Variants in ANKS1B observed in about 807,000 individuals in gnomAD.
The protein encoded by ANKS1B is ankyrin repeat and sterile alpha motif domain containing 1B.
A neutral mutation model predicts 148.3 loss-of-function variants in ANKS1B; 36 were observed. The observed-to-expected ratio is 0.24, with a 90% CI of 0.19 to 0.32. ANKS1B has a LOEUF of 0.32. Among genes scored for constraint, ANKS1B ranks in the 10% least tolerant of loss-of-function variants. The pLI is 1.00. For missense variants in ANKS1B, 1,157 were observed against 1,542.6 expected (o/e 0.75, Z 4.19); for synonymous variants, 542 against 560.8 (o/e 0.97, Z 0.47).
chr12:98,864,976 T>C (rs2099617167), intron 17 of ANKS1B, among the ~76,000 whole-genome samples: 1 of 152,230 alleles, frequency 6.6e-6, no homozygotes, highest in Non-Finnish European at 1.5e-5. Context: ...ACCTCCTTTG[T>C]CTTTCCTCTG....
chr12:99,938,800 G>A (rs764324713), intron 1 of ANKS1B, among the ~76,000 whole-genome samples: 9 of 152,162 alleles, frequency 5.9e-5, no homozygotes, highest in Non-Finnish European at 1.3e-4. Context: ...TACATTCTCA[G>A]AGAGTAAGGA....
chr12:99,831,628 T>G (rs1210830594), intron 1 of ANKS1B, among the ~76,000 whole-genome samples: 1 of 152,194 alleles, frequency 6.6e-6, no homozygotes, highest in African/African-American at 2.4e-5. Context: ...TTAGTACTCA[T>G]CTTTCTCTCT....
At chr12:99,583,638 AG>A (rs774741794) in intron 9 of ANKS1B, among the ~76,000 whole-genome samples, 4 of 152,216 alleles carry the variant, frequency 2.6e-5, no homozygotes, top group Admixed American at 1.3e-4. Flanking sequence ...AGATAAATTC[AG>A]GGTGCTTCTT....
At chr12:99,863,028 G>A (rs2090240986) in intron 1 of ANKS1B, among the ~76,000 whole-genome samples, 3 of 152,204 alleles carry the variant, frequency 2.0e-5, no homozygotes, top group Admixed American at 6.5e-5. Context: ...GAGGAATAGA[G>A]AGGCAATCCC....
At chr12:99,351,930 T>C (rs1284804601) in intron 12 of ANKS1B, 1 of 152,066 alleles carries the variant, frequency 6.6e-6, no homozygotes, top group Non-Finnish European at 1.5e-5. Context: ...GTCTACTATT[T>C]AAAGGAAAGT....
intron 25 of ANKS1B, among the ~76,000 whole-genome samples, chr12:98,761,478 C>T (rs1345324408): frequency 1.3e-5 from 2 of 152,200 alleles, no homozygotes; most frequent in Admixed American, 1.3e-4. Flanking sequence ...GCTAAAAGCT[C>T]AGAGCTAGAG....
At chr12:99,605,253 T>C (rs1183240223) in intron 9 of ANKS1B, among the ~76,000 whole-genome samples, 1 of 152,112 alleles carries the variant, frequency 6.6e-6, no homozygotes, top group African/African-American at 2.4e-5. Flanking sequence ...GTACATTGCA[T>C]ATATACAATG....
intron 20 of ANKS1B, among the ~76,000 whole-genome samples, chr12:98,803,075 T>G (rs372622779): frequency 9.2e-5 from 14 of 152,152 alleles, no homozygotes; most frequent in Admixed American, 4.6e-4. Flanking sequence ...ATTCTAAAAT[T>G]AGATTAAGTT....
chr12:98,984,046 C>T (rs939700345), intron 17 of ANKS1B, among the ~76,000 whole-genome samples: 2 of 152,234 alleles, frequency 1.3e-5, no homozygotes, highest in Admixed American at 6.5e-5. Context: ...CAAGAACTTT[C>T]TGGATCTCCT....
intron 12 of ANKS1B, among the ~76,000 whole-genome samples, chr12:99,285,627 T>C (rs972899982): frequency 2.6e-5 from 4 of 152,312 alleles, no homozygotes; most frequent in African/African-American, 4.8e-5. Flanking sequence ...TGAGTGATCA[T>C]AGTACCTGGT....
At chr12:99,440,791 A>AT (rs1177577802) in intron 11 of ANKS1B, among the ~76,000 whole-genome samples, 1 of 151,896 alleles carries the variant, frequency 6.6e-6, no homozygotes, top group Middle Eastern at 3.2e-3. Context: ...GATGCTCTCC[A>AT]TTTACAGGTA....
chr12:99,053,283 G>A lies in ANKS1B; in HGVS notation c.2652C>T (p.Tyr884=), dbSNP rs762915259. 1.2e-5 allele frequency: 19 copies of A among 1,610,274 alleles called. No individual in the cohort carries two copies. The highest frequency in any genetic ancestry group is 1.5e-5 in the Non-Finnish European group (18 of 1,178,352). The part of the protein sequence containing the change: ...PKMRPIGHDG[Y]HPTSVAEWLD... ...GCCACTCAGCTACAGAGGTGGGATG[G>A]TAGCCATCATGCCCAATGGGTCTCA... The change falls in exon 17 of 27, where the codon TAC becomes TAT. Residue 884 remains tyrosine, a synonymous_variant. Coordinates refer to ENST00000683438, the MANE Select transcript of ANKS1B (RefSeq NM_001352186.2).
intron 9 of ANKS1B, among the ~76,000 whole-genome samples, chr12:99,605,065 T>C (rs1454276464): frequency 6.6e-6 from 1 of 151,990 alleles, no homozygotes; most frequent in East Asian, 1.9e-4. Context: ...ACTTTTGTCA[T>C]TTTAACAGGG....
chr12:99,800,441 CAAAAAAA>C (rs138056927), intron 4 of ANKS1B, among the ~76,000 whole-genome samples: 2 of 86,750 alleles, frequency 2.3e-5, no homozygotes, highest in Non-Finnish European at 4.6e-5. Flanking sequence ...ATACAGAAGC[CAAAAAAA>C]AAAAAAAAAA....
At chr12:99,293,773 A>G (rs1183011340) in intron 12 of ANKS1B, among the ~76,000 whole-genome samples, 3 of 151,700 alleles carry the variant, frequency 2.0e-5, no homozygotes, top group African/African-American at 4.8e-5. Flanking sequence ...CAAACTATTC[A>G]TCTGACAAGG....
intron 12 of ANKS1B, among the ~76,000 whole-genome samples, chr12:99,247,784 C>CT (rs2074058182): frequency 6.6e-6 from 1 of 152,016 alleles, no homozygotes; most frequent in Non-Finnish European, 1.5e-5. Flanking sequence ...AGGAAGTGTC[C>CT]TTTTTTTCAG....
intron 12 of ANKS1B, among the ~76,000 whole-genome samples, chr12:99,285,774 G>C (rs1425823052): frequency 6.6e-6 from 1 of 152,094 alleles, no homozygotes; most frequent in Non-Finnish European, 1.5e-5. Context: ...AGCAGTAATT[G>C]TGGGACTTTG....
At chr12:98,928,890 G>A (rs2099811298) in intron 17 of ANKS1B, among the ~76,000 whole-genome samples, 1 of 151,956 alleles carries the variant, frequency 6.6e-6, no homozygotes, top group Admixed American at 6.6e-5. Flanking sequence ...GACAAAGCTA[G>A]CTACTCTGGT....
At chr12:98,959,000 C>T (rs191713311) in intron 17 of ANKS1B, among the ~76,000 whole-genome samples, 10 of 152,124 alleles carry the variant, frequency 6.6e-5, no homozygotes, top group South Asian at 2.1e-4. Flanking sequence ...TGTAGTTATA[C>T]TTTATAATAA....
Sources: gnomAD v4.1 joint callset for allele counts (sites outside exome capture counted in the v4.1 genomes callset) on GRCh38, gnomAD v4.1.1 for gene constraint, MANE v1.5 for transcripts, NCBI Gene and HGNC (gene_info 2026-07-23, HGNC 2026-07-21) for gene names.